GIMAP8: variants seen among roughly 807,000 people sequenced by gnomAD.
GIMAP8 encodes GTPase IMAP family member 8.
A neutral mutation model predicts 35.6 loss-of-function variants in GIMAP8; 29 were observed. That is an observed-to-expected ratio of 0.81 (90% CI 0.61 to 1.11). The LOEUF is 1.11. Ranked by LOEUF, GIMAP8 falls within the 50% of genes most tolerant of loss-of-function variation. GIMAP8 has a pLI of 0.00. For synonymous variants in GIMAP8, 335 were observed against 308.7 expected, an observed-to-expected ratio of 1.09 and a Z score of -0.89; for missense variants, 811 against 805.0, an observed-to-expected ratio of 1.01 and a Z score of -0.09.
At chr7:150,470,403 A>G (rs1802061167) in intron 2 of GIMAP8, among the ~76,000 whole-genome samples, 1 of 152,120 alleles carries the variant, frequency 6.6e-6, no homozygotes, top group African/African-American at 2.4e-5. Context: ...GGAACTAAGT[A>G]TCAGGATTCC....
rs191278011 is a variant in GIMAP8 at position 150,451,704 on chromosome 7, G to C, written c.-29+529G>C. ...CAGCGGAGCTCCTCCCGCAAAGCAG[G>C]GGGTGGGGGATGCTGATTTTTCCAC... On this transcript the variant is annotated intron_variant, in intron 1 of 4. Coordinates refer to ENST00000307271, the MANE Select transcript of GIMAP8 (RefSeq NM_175571.4). The surrounding 1 kb of genome is among the most constrained non-coding windows in gnomAD (Gnocchi z 4.1). Among the ~76,000 whole-genome samples the C allele has an allele frequency of 4.1e-4, 63 of 152,300 alleles. No individual in the cohort carries two copies. The highest frequency in any genetic ancestry group is 1.5e-3 in the African/African-American group (62 of 41,570).
At position 150,478,935 on chromosome 7, in the gene GIMAP8, A is replaced by C. The variant is rs1802306246; in HGVS notation, c.*1155A>C. 1 of 152,268 alleles carries C rather than the reference A, an allele frequency of 6.6e-6. No homozygotes were observed. The highest frequency in any genetic ancestry group is 1.5e-5 in the Non-Finnish European group (1 of 68,042). 9.4% of individuals were successfully genotyped at this position (152,268 alleles called of 1,614,324 possible). A position where few individuals can be genotyped will look rare whatever the true frequency, so the allele number is the denominator to read the frequency against. Reference sequence around the variant, plus strand: ...GGTAGATACAGGATAAGATAGATACAGGGTAAAATGTTGAGCACTTTGTAC... The same window carrying C: ...GGTAGATACAGGATAAGATAGATACCGGGTAAAATGTTGAGCACTTTGTAC... On this transcript the variant is annotated 3_prime_UTR_variant, in exon 5 of 5. Transcript: ENST00000307271.
intron 1 of GIMAP8, among the ~76,000 whole-genome samples, chr7:150,459,307 G>A (rs1414946918): frequency 6.6e-6 from 1 of 152,166 alleles, no homozygotes; most frequent in Non-Finnish European, 1.5e-5. Flanking sequence ...TTGATTGAGA[G>A]GCATGAGGAG....
At chr7:150,468,829 CTAAT>C (rs1174876958) in intron 2 of GIMAP8, among the ~76,000 whole-genome samples, 1 of 152,082 alleles carries the variant, frequency 6.6e-6, no homozygotes, top group Admixed American at 6.5e-5. Context: ...AAGACATAAA[CTAAT>C]TAAGTCCTCG....
intron 1 of GIMAP8, among the ~76,000 whole-genome samples, chr7:150,452,667 G>GAGATATATA (rs1320054486): frequency 1.0e-5 from 1 of 96,674 alleles, no homozygotes; most frequent in African/African-American, 4.8e-5. Flanking sequence ...GTGTGTGTGT[G>GAGATATATA]TGTGTGAGAT....
At chr7:150,454,418 A>G (rs1436442306) in intron 1 of GIMAP8, among the ~76,000 whole-genome samples, 1 of 152,194 alleles carries the variant, frequency 6.6e-6, no homozygotes, top group Non-Finnish European at 1.5e-5. Flanking sequence ...AGAGGAGCTG[A>G]TGACCAGTTC....
chr7:150,477,585 T>C lies in GIMAP8; in HGVS notation c.1803T>C (p.Phe601=). 1 of 1,614,164 alleles carries C rather than the reference T, an allele frequency of 6.2e-7. No individual in the cohort carries two copies. The highest frequency in any genetic ancestry group is 8.5e-7 in the Non-Finnish European group (1 of 1,180,026). The part of the protein sequence containing the change: ...FKKCGRRVCA[F]NNKETGQAQE... ...AGTGTGGGCGGCGAGTTTGTGCTTT[T>C]AACAACAAAGAAACAGGCCAGGCCC... is the stretch of plus-strand genomic sequence containing the variant. Residue 601 remains phenylalanine (F), a synonymous_variant, in exon 5 of 5, where the codon TTT becomes TTC. Transcript: ENST00000307271.
At chr7:150,454,827 G>A (rs1801691900) in intron 1 of GIMAP8, among the ~76,000 whole-genome samples, 2 of 152,156 alleles carry the variant, frequency 1.3e-5, no homozygotes. Flanking sequence ...AATCATACTT[G>A]AAATTAGAAC....
At chr7:150,457,527 C>A (rs1356413370) in intron 1 of GIMAP8, among the ~76,000 whole-genome samples, 1 of 152,062 alleles carries the variant, frequency 6.6e-6, no homozygotes, top group Non-Finnish European at 1.5e-5. Flanking sequence ...ATTTAGAAAC[C>A]TAAAAATAGG....
Position 150,474,464 on chromosome 7 carries a change from A to T in GIMAP8, c.1135A>T (p.Arg379Ter), listed in dbSNP as rs1585120245. Residue 379 changes from arginine to a stop codon, truncating the protein, a stop_gained, in exon 4 of 5, where the codon AGA becomes TGA. Transcript: ENST00000307271. LOFTEE classifies it high-confidence loss of function. ...LGDQDLDTFL[R>*]NSNKALYGLI... ...GGATCAGGATCTAGATACGTTCTTA[A>T]GAAACAGCAATAAAGCTCTCTATGG... 5.0e-6 allele frequency: 8 copies of T among 1,614,098 alleles called. 1 individual carries two copies. In the East Asian group the frequency reaches 1.8e-4, roughly 36 times the overall value.
Position 150,451,781 on chromosome 7 carries a change from T to C in GIMAP8, c.-29+606T>C, listed in dbSNP as rs140254536. On this transcript the variant is annotated intron_variant, in intron 1 of 4. Coordinates refer to ENST00000307271, the MANE Select transcript of GIMAP8 (RefSeq NM_175571.4). The surrounding 1 kb of genome is among the most constrained non-coding windows in gnomAD (Gnocchi z 4.1). The stretch of plus-strand genomic sequence containing the variant: ...CTTGCACAGTTAGGATTCTGTGAAC[T>C]GGGCATTGGAGGGATTGGAGGGGTC... Among the ~76,000 whole-genome samples the C allele has an allele frequency of 9.3e-4, 141 of 152,338 alleles. No individual in the cohort carries two copies. The highest frequency in any genetic ancestry group is 3.4e-3 in the Middle Eastern group (1 of 294).
chr7:150,452,673 G>GATATATAT (rs1328309681), intron 1 of GIMAP8, among the ~76,000 whole-genome samples: 2 of 56,284 alleles, frequency 3.6e-5, no homozygotes, highest in African/African-American at 1.5e-4. Flanking sequence ...GTGTGTGTGT[G>GATATATAT]AGATATATAT....
In GIMAP8 at chr7:150,477,661, G is replaced by C; in HGVS notation, c.1879G>C (p.Glu627Gln). 6.2e-7 allele frequency: 1 copy of C among 1,614,222 alleles called. No individual in the cohort carries two copies. ...LLTKVNDLRK[E>Q]SGWSGYPHTQ... ...AACAAAGGTCAATGATCTGAGAAAA[G>C]AAAGTGGGTGGTCCGGGTATCCCCA... Residue 627 changes from glutamate (E) to glutamine (Q), a missense_variant, in exon 5 of 5, where the codon GAA (glutamate) becomes CAA (glutamine). Transcript: ENST00000307271.
rs896520623 is a variant in GIMAP8, at chr7:150,472,892, T to C, written c.683-1120T>C. 1.1e-4 allele frequency among the ~76,000 whole-genome samples: 16 copies of C among 152,194 alleles called. No homozygotes were observed. On this transcript the variant is annotated intron_variant, in intron 3 of 4. Transcript: ENST00000307271. This position sits in a 1 kb window ranked among gnomAD's most constrained non-coding sequence, Gnocchi z 4.1. ...GGGGCACTTCCAGGCCTGACTCAAG[T>C]TCTTCCTTAACTGTGAAGCCTTCCA...
chr7:150,466,977 C>T lies in GIMAP8; in HGVS notation c.279C>T (p.Ser93=), dbSNP rs1162177609. The T allele has an allele frequency of 1.3e-5, 21 of 1,614,110 alleles. No individual in the cohort carries two copies. The highest frequency in any genetic ancestry group is 1.6e-5 in the Non-Finnish European group (19 of 1,180,044). ...ACTGCTTGGAGCTCTCTGCTCCCAG[C>T]CTCCATGCTCTGCTCTTGGTAATTG... is the stretch of plus-strand genomic sequence containing the variant. The part of the protein sequence containing the change: ...IQHCLELSAP[S]LHALLLVIAI... Residue 93 remains serine, a synonymous_variant, in exon 2 of 5, where the codon AGC becomes AGT. Transcript: ENST00000307271.
In GIMAP8 at chr7:150,466,898, CT is replaced by C. The variant is rs771938080; in HGVS notation, c.201del (p.Asp68ThrfsTer6). The C allele has an allele frequency of 1.4e-5, 23 of 1,614,124 alleles. No homozygotes were observed. In the South Asian group the frequency reaches 2.4e-4, roughly 17 times the overall value. ...AGGAAGGTTGTGGTAATTGACACCCCTGACCTTTTCTCCTCAATAGCTTGTG... is the reference window on the plus strand; with the variant it reads ...AGGAAGGTTGTGGTAATTGACACCCCGACCTTTTCTCCTCAATAGCTTGTG... The part of the protein sequence containing the change: ...RERKVVVIDT[P>X]DLFSSIACAE... On this transcript the variant is annotated frameshift_variant, in exon 2 of 5. Coordinates refer to ENST00000307271, the MANE Select transcript of GIMAP8 (RefSeq NM_175571.4). LOFTEE classifies it high-confidence loss of function.
chr7:150,477,452 C>T lies in GIMAP8; in HGVS notation c.1670C>T (p.Thr557Met), dbSNP rs148200096. The change falls in exon 5 of 5, where the codon ACG becomes ATG. Residue 557 changes from threonine (T) to methionine (M), a missense_variant. Physicochemically the swap from Thr to Met is moderately conservative, Grantham distance 81 (BLOSUM62 -1). Coordinates refer to ENST00000307271, the MANE Select transcript of GIMAP8 (RefSeq NM_175571.4). ...KLEAIFGADF[T>M]KYAIMLFTRK... ...GAGGCCATCTTTGGAGCAGACTTTA[C>T]GAAATACGCGATTATGCTGTTCACC... 3.1e-6 allele frequency: 5 copies of T among 1,613,538 alleles called. No individual in the cohort carries two copies. The highest frequency in any genetic ancestry group is 3.4e-6 in the Non-Finnish European group (4 of 1,179,592).
Position 150,473,957 on chromosome 7 carries a change from C to T in GIMAP8, c.683-55C>T, listed in dbSNP as rs912430533. 19 of 1,540,696 alleles carry T rather than the reference C, an allele frequency of 1.2e-5. No individual in the cohort carries two copies. The African/African-American group carries it at 1.9e-4, about 16-fold the overall frequency. ...GGGATGAGAAATCATAAAACCTGCCCACATCCATATTCAACTGCAGGAAGA... is the reference window on the plus strand; with the variant it reads ...GGGATGAGAAATCATAAAACCTGCCTACATCCATATTCAACTGCAGGAAGA... On this transcript the variant is annotated intron_variant, in intron 3 of 4. Coordinates refer to ENST00000307271, the MANE Select transcript of GIMAP8 (RefSeq NM_175571.4).
At chr7:150,452,675 G>GATAGATATATATATATATATATATAT (rs1379119203) in intron 1 of GIMAP8, among the ~76,000 whole-genome samples, 1 of 79,672 alleles carries the variant, frequency 1.3e-5, no homozygotes, top group African/African-American at 5.3e-5. Flanking sequence ...GTGTGTGTGA[G>GATAGATATATATATATATATATATAT]ATATATATAT....
Sources: allele counts gnomAD v4.1 joint callset (sites outside exome capture counted in the v4.1 genomes callset), GRCh38; gene constraint gnomAD v4.1.1; non-coding constraint Gnocchi (gnomAD v3.1); transcripts MANE v1.5; gene names NCBI Gene and HGNC (gene_info 2026-07-23, HGNC 2026-07-21).